The following PPM1H variants were observed in gnomAD, a reference collection of about 807,000 sequenced individuals.
PPM1H encodes protein phosphatase 1H.
A neutral mutation model predicts 54.9 loss-of-function variants in PPM1H; 27 were observed. The observed-to-expected ratio is 0.49, with a 90% CI of 0.36 to 0.68. PPM1H has a LOEUF of 0.68. Among genes scored for constraint, PPM1H ranks in the 30% least tolerant of loss-of-function variants. The probability of loss-of-function intolerance (pLI) is 0.00; values close to 1 mark genes in which losing one functional copy is unlikely to be tolerated. For synonymous variants in PPM1H, 305 were observed against 270.8 expected (o/e 1.13, Z -1.24); for missense variants, 596 against 667.8 (o/e 0.89, Z 1.19).
At chr12:62,804,028 AG>A (rs1340089782) in intron 2 of PPM1H, among the ~76,000 whole-genome samples, 5 of 152,208 alleles carry the variant, frequency 3.3e-5, no homozygotes, top group Non-Finnish European at 5.9e-5. Flanking sequence ...CAACCAGATA[AG>A]GGGCATCTAG....
intron 6 of PPM1H, 57 bp from the exon 7 acceptor site, chr12:62,694,056 C>T: frequency 6.9e-7 from 1 of 1,453,346 alleles, no homozygotes; most frequent in Non-Finnish European, 9.5e-7. Flanking sequence ...TGACCTGCTG[C>T]CCTGACACCG....
rs1565792693 is a variant in PPM1H, at chr12:62,801,902, T to C, written c.670A>G (p.Thr224Ala). ...GGVGAPGSPSTPPTRFFTEKK... is the reference protein window; with the variant it reads ...GGVGAPGSPSAPPTRFFTEKK... ...TCGGTAAAGAAGCGTGTGGGGGGCG[T>C]GCTGGGGGAGCCCGGGGCCCCCACC... The change falls in exon 3 of 10, where the codon ACG (threonine) becomes GCG (alanine). Residue 224 changes from threonine (T) to alanine (A), a missense_variant. By Grantham distance (58) the Thr-to-Ala change is moderately conservative (BLOSUM62 0). This residue lies in a region of PPM1H where 382 missense variants were observed against 387.1 expected (regional missense o/e 0.99). Coordinates refer to ENST00000228705, the MANE Select transcript of PPM1H (RefSeq NM_020700.2). The C allele has an allele frequency of 1.9e-6, 3 of 1,613,566 alleles. No homozygotes were observed. The highest frequency in any genetic ancestry group is 2.7e-5 in the African/African-American group (2 of 74,920).
chr12:62,682,361 A>G (rs1447673199), intron 8 of PPM1H, among the ~76,000 whole-genome samples: 2 of 152,256 alleles, frequency 1.3e-5, no homozygotes, highest in African/African-American at 4.8e-5. Context: ...AGCACAAAAT[A>G]CAACAAAATA....
At position 62,689,017 on chromosome 12, in the gene PPM1H, C is replaced by A. The variant is rs572789166; in HGVS notation, c.1245+682G>T. On this transcript the variant is annotated intron_variant, in intron 8 of 9. Coordinates refer to ENST00000228705, the MANE Select transcript of PPM1H (RefSeq NM_020700.2). The stretch of plus-strand genomic sequence containing the variant: ...TCTCAAAATACAAAACAAAACAAAA[C>A]AACTGTGACCGAAGGCAGACAGTGA... 7.2e-5 allele frequency among the ~76,000 whole-genome samples: 11 copies of A among 152,192 alleles called. No individual in the cohort carries two copies. In the South Asian group the frequency reaches 1.5e-3, roughly 20 times the overall value.
In PPM1H at chr12:62,818,621, T is replaced by C. The variant is rs543639187; in HGVS notation, c.411+13493A>G. On this transcript the variant is annotated intron_variant, in intron 2 of 9. Coordinates refer to ENST00000228705, the MANE Select transcript of PPM1H (RefSeq NM_020700.2). The stretch of plus-strand genomic sequence containing the variant: ...CCAAATCAGTTCTCAGAGGTAGGCA[T>C]GTCAAGAGGCTTGCACATTGCCAAA... 2.6e-5 allele frequency among the ~76,000 whole-genome samples: 4 copies of C among 152,116 alleles called. No individual in the cohort carries two copies. The South Asian group carries it at 8.3e-4, about 32-fold the overall frequency.
intron 4 of PPM1H, among the ~76,000 whole-genome samples, chr12:62,781,529 G>C (rs1022779371): frequency 6.6e-6 from 1 of 152,232 alleles, no homozygotes; most frequent in African/African-American, 2.4e-5. Context: ...GATGCCCAGG[G>C]GTAGACTTTA....
chr12:62,702,581 A>AGAGAGAGAGAGAGG (rs1555190172), intron 6 of PPM1H, among the ~76,000 whole-genome samples: 1 of 151,816 alleles, frequency 6.6e-6, no homozygotes, highest in African/African-American at 2.4e-5. Flanking sequence ...AGAGAGAGAG[A>AGAGAGAGAGAGAGG]AATACCACTT....
intron 2 of PPM1H, among the ~76,000 whole-genome samples, chr12:62,802,878 C>T (rs2076779878): frequency 1.3e-5 from 2 of 152,208 alleles, no homozygotes; most frequent in African/African-American, 2.4e-5. Flanking sequence ...GCTGGGATTA[C>T]AGGCGTGAGC....
intron 8 of PPM1H, among the ~76,000 whole-genome samples, chr12:62,684,035 T>TG (rs2076038140): frequency 6.6e-6 from 1 of 152,224 alleles, no homozygotes; most frequent in Non-Finnish European, 1.5e-5. Flanking sequence ...TAACAAATCC[T>TG]ATCCTTCTCC....
At chr12:62,921,318 A>C (rs1871793304) in intron 1 of PPM1H, among the ~76,000 whole-genome samples, 1 of 152,208 alleles carries the variant, frequency 6.6e-6, no homozygotes, top group South Asian at 2.1e-4. Flanking sequence ...AAGATGCACC[A>C]TTTTTTAATA....
chr12:62,779,913 T>C (rs1460610656), intron 4 of PPM1H, among the ~76,000 whole-genome samples: 1 of 152,230 alleles, frequency 6.6e-6, no homozygotes, highest in African/African-American at 2.4e-5. Flanking sequence ...TCAAACATAA[T>C]TCCAATCTCT....
intron 1 of PPM1H, among the ~76,000 whole-genome samples, chr12:62,913,868 C>T (rs1230423487): frequency 6.6e-6 from 1 of 151,508 alleles, no homozygotes; most frequent in Admixed American, 6.6e-5. Flanking sequence ...GCCTGGCTAA[C>T]TTTGTATTTT....
chr12:62,709,859 T>C (rs534915182), intron 6 of PPM1H, among the ~76,000 whole-genome samples: 1 of 151,802 alleles, frequency 6.6e-6, no homozygotes, highest in South Asian at 2.1e-4. Flanking sequence ...TCACCTGAGG[T>C]TGGGAGTTCA....
At chr12:62,843,724 T>A (rs1195652315) in intron 1 of PPM1H, among the ~76,000 whole-genome samples, 1 of 152,208 alleles carries the variant, frequency 6.6e-6, no homozygotes, top group Non-Finnish European at 1.5e-5. Flanking sequence ...CAGTCTTTTT[T>A]AAAAAGTACT....
chr12:62,665,738 A>T (rs1192901194), intron 9 of PPM1H, among the ~76,000 whole-genome samples: 1 of 151,848 alleles, frequency 6.6e-6, no homozygotes, highest in Non-Finnish European at 1.5e-5. Context: ...AATGCTTTAA[A>T]TTTTTTTGTT....
intron 5 of PPM1H, among the ~76,000 whole-genome samples, chr12:62,733,911 G>GA (rs558812836): frequency 7.5e-4 from 114 of 152,200 alleles, no homozygotes; most frequent in African/African-American, 2.6e-3. Context: ...ATAAAAACGA[G>GA]GAAAAAAATT....
At chr12:62,932,160 G>A (rs35283276) in intron 1 of PPM1H, among the ~76,000 whole-genome samples, 16,931 of 146,756 alleles carry the variant, frequency 0.12, 1,219 homozygotes, top group East Asian at 0.2. Flanking sequence ...TTTAAAATTT[G>A]TAACATTTTA....
chr12:62,842,279 G>A (rs1431517821), intron 1 of PPM1H, among the ~76,000 whole-genome samples: 1 of 151,828 alleles, frequency 6.6e-6, no homozygotes, highest in African/African-American at 2.4e-5. Flanking sequence ...ATCAGATTTT[G>A]TTTTATTTAC....
chr12:62,653,314 T>G (rs577363390), intron 9 of PPM1H, among the ~76,000 whole-genome samples: 11 of 152,238 alleles, frequency 7.2e-5, no homozygotes, highest in African/African-American at 1.9e-4. Flanking sequence ...TTTGTAGATA[T>G]TCTCCATAAA....
Sources: allele counts gnomAD v4.1 joint callset (sites outside exome capture counted in the v4.1 genomes callset), GRCh38; gene constraint gnomAD v4.1.1; regional missense constraint gnomAD v4.1.1; transcripts MANE v1.5; gene names NCBI Gene and HGNC (gene_info 2026-07-23, HGNC 2026-07-21).